The following RASSF3 variants were observed in gnomAD, a reference collection of about 807,000 sequenced individuals.
RASSF3 encodes ras association domain-containing protein 3.
A neutral mutation model predicts 19.9 loss-of-function variants in RASSF3; 19 were observed. The observed-to-expected ratio is 0.96, with a 90% CI of 0.67 to 1.40. RASSF3 has a LOEUF of 1.40. Among genes scored for constraint, RASSF3 ranks in the 40% most tolerant of loss-of-function variants. The pLI, the probability that RASSF3 is intolerant of heterozygous loss-of-function variation, is 0.00. For synonymous variants in RASSF3, 110 were observed against 104.2 expected, an observed-to-expected ratio of 1.06 and a Z score of -0.34; for missense variants, 306 against 289.8, an observed-to-expected ratio of 1.06 and a Z score of -0.41.
chr12:64,600,955 A>G (rs1870081978), intron 2 of RASSF3, among the ~76,000 whole-genome samples: 2 of 152,148 alleles, frequency 1.3e-5, no homozygotes, highest in Non-Finnish European at 2.9e-5. Flanking sequence ...AGTGCCCAAA[A>G]CAGGGTCATA....
At chr12:64,530,581 A>G (rs866182610), upstream of RASSF3, among the ~76,000 whole-genome samples, 3 of 152,180 alleles carry the variant, frequency 2.0e-5, no homozygotes, top group South Asian at 2.1e-4. Flanking sequence ...CTCTTGGTTA[A>G]ATATGTAGGA....
chr12:64,661,147 C>T (rs984191776), intron 1 of RASSF3, among the ~76,000 whole-genome samples: 1 of 152,130 alleles, frequency 6.6e-6, no homozygotes. Flanking sequence ...AAGTTAAACT[C>T]GGCTTGCTCG....
chr12:64,624,850 G>A (rs1293777484), intron 1 of RASSF3, among the ~76,000 whole-genome samples: 2 of 149,096 alleles, frequency 1.3e-5, no homozygotes, highest in Admixed American at 6.7e-5. Context: ...TGTATTTTTA[G>A]TAGAGATGGG....
chr12:64,682,263 T>C (rs945722526), intron 1 of RASSF3, among the ~76,000 whole-genome samples: 19 of 152,020 alleles, frequency 1.2e-4, no homozygotes, highest in African/African-American at 4.1e-4. Context: ...GTGCTGACAT[T>C]GAAAAGTCAC....
intron 2 of RASSF3, among the ~76,000 whole-genome samples, chr12:64,577,859 T>C (rs980205356): frequency 6.6e-6 from 1 of 152,204 alleles, no homozygotes; most frequent in Non-Finnish European, 1.5e-5. Context: ...AGAGTTATGA[T>C]TATATGCGAA....
intron 1 of RASSF3, among the ~76,000 whole-genome samples, chr12:64,663,630 C>T (rs973911336): frequency 1.3e-5 from 2 of 151,806 alleles, no homozygotes; most frequent in African/African-American, 4.8e-5. Context: ...CTCAACCTCC[C>T]GAGTAGCTGG....
At chr12:64,665,179 G>T (rs561382165) in intron 1 of RASSF3, among the ~76,000 whole-genome samples, 7 of 152,314 alleles carry the variant, frequency 4.6e-5, no homozygotes, top group Admixed American at 3.9e-4. Context: ...TAGAATCTCA[G>T]TGCCTCTCGC....
chr12:64,631,536 A>AATGTATGT lies in RASSF3; in HGVS notation c.111+20838_111+20845dup, dbSNP rs10532504. On this transcript the variant is annotated intron_variant, in intron 1 of 4. Transcript: ENST00000542104. Reference sequence around the variant, plus strand: ...TGGTAAGGGTGTTGTCATCGTATGTAATGTATGTATGTATGTATGTATGTA... The same window carrying AATGTATGT: ...TGGTAAGGGTGTTGTCATCGTATGTAATGTATGTATGTATGTATGTATGTATGTATGTA... 8.4e-3 allele frequency among the ~76,000 whole-genome samples: 1,231 copies of AATGTATGT among 146,558 alleles called. 17 individuals are homozygous for AATGTATGT. Among genetic ancestry groups the AATGTATGT allele is most frequent in the African/African-American group, 0.025 (970 of 39,354 alleles).
intron 2 of RASSF3, among the ~76,000 whole-genome samples, chr12:64,569,932 T>A (rs1189896456): frequency 6.6e-6 from 1 of 152,168 alleles, no homozygotes; most frequent in Non-Finnish European, 1.5e-5. Context: ...GCCACTGCAC[T>A]CCAGCCTGGG....
intron 1 of RASSF3, among the ~76,000 whole-genome samples, chr12:64,674,923 CTT>C (rs1237876034): frequency 1.3e-5 from 2 of 151,758 alleles, no homozygotes; most frequent in African/African-American, 4.8e-5. Flanking sequence ...CTCTTGCTCT[CTT>C]GTTTTTCTTT....
intron 1 of RASSF3, among the ~76,000 whole-genome samples, chr12:64,508,604 A>C (rs534367631): frequency 6.6e-6 from 1 of 151,710 alleles, no homozygotes; most frequent in South Asian, 2.1e-4. Context: ...AAGCATGCAG[A>C]CCGGGCGCGG....
rs1254557437 is a variant in RASSF3 at position 64,696,085 on chromosome 12, TCCTCCCTCCCTCCCTCCCTC to T, written c.*1191_*1210del. On this transcript the variant is annotated 3_prime_UTR_variant, in exon 5 of 5. Coordinates refer to ENST00000542104, the MANE Select transcript of RASSF3 (RefSeq NM_178169.4). Reference sequence around the variant, plus strand: ...TGTCTCCCACCCTACCTTGTTCTTTTCCTCCCTCCCTCCCTCCCTCCCTCCCTCCCTCCCTCCTTCCCTCC... The same window carrying T: ...TGTCTCCCACCCTACCTTGTTCTTTTCCTCCCTCCCTCCCTCCTTCCCTCC... The T allele has an allele frequency of 6.3e-5, 2 of 31,732 alleles. No homozygotes were observed. The highest frequency in any genetic ancestry group is 1.1e-4 in the African/African-American group (1 of 8,926). 2.0% of individuals were successfully genotyped at this position (31,732 alleles called of 1,614,324 possible).
At chr12:64,509,466 A>T (rs1222827213) in intron 1 of RASSF3, among the ~76,000 whole-genome samples, 3 of 152,112 alleles carry the variant, frequency 2.0e-5, no homozygotes, top group Non-Finnish European at 4.4e-5. Context: ...TAAAAATAAG[A>T]TGAGCAAACT....
At chr12:64,615,025 C>T (rs529286130) in intron 1 of RASSF3, among the ~76,000 whole-genome samples, 1 of 152,282 alleles carries the variant, frequency 6.6e-6, no homozygotes, top group East Asian at 1.9e-4. Flanking sequence ...ACTCCCTGAC[C>T]TGCATATAGT....
chr12:64,620,536 A>G (rs1260899172), intron 1 of RASSF3, among the ~76,000 whole-genome samples: 1 of 152,180 alleles, frequency 6.6e-6, no homozygotes, highest in Non-Finnish European at 1.5e-5. Flanking sequence ...GACAAATTTG[A>G]ATCCTTATTT....
At chr12:64,536,531 T>C (rs999298256) in intron 1 of RASSF3, among the ~76,000 whole-genome samples, 8 of 152,280 alleles carry the variant, frequency 5.3e-5, no homozygotes, top group African/African-American at 1.4e-4. Context: ...TATTATCACA[T>C]AGACACACAT....
intron 1 of RASSF3, among the ~76,000 whole-genome samples, chr12:64,675,488 T>G (rs67264294): frequency 0.2 from 30,244 of 151,918 alleles, 3,395 homozygotes; most frequent in South Asian, 0.31. Context: ...GTCTTTAACT[T>G]TCTAAGGAAC....
At chr12:64,610,417 G>A (rs1368832295), upstream of RASSF3, 1 of 162,018 alleles carries the variant, frequency 6.2e-6, no homozygotes, top group Non-Finnish European at 1.3e-5. Flanking sequence ...GGCCCAGGGA[G>A]GCGGGGTCGC....
chr12:64,661,677 CTTTT>C (rs71092993), intron 1 of RASSF3, among the ~76,000 whole-genome samples: 9 of 78,988 alleles, frequency 1.1e-4, no homozygotes, highest in African/African-American at 3.7e-4. Context: ...TTTTCTTTTT[CTTTT>C]TTTTTTTTTT....
Sources: allele counts gnomAD v4.1 joint callset (sites outside exome capture counted in the v4.1 genomes callset), GRCh38; gene constraint gnomAD v4.1.1; transcripts MANE v1.5; gene names NCBI Gene and HGNC (gene_info 2026-07-23, HGNC 2026-07-21).